The following NT5M variants were observed in gnomAD, a reference collection of about 807,000 sequenced individuals.
The protein encoded by NT5M is 5'(3')-deoxyribonucleotidase, mitochondrial.
NT5M carries 22 observed loss-of-function variants against 22.2 expected under a neutral mutation model. The observed-to-expected ratio is 0.99, with a 90% CI of 0.71 to 1.41. The LOEUF (loss-of-function observed/expected upper bound fraction) is 1.41, where lower values mean the gene tolerates loss of function less well. Among genes scored for constraint, NT5M ranks in the 40% most tolerant of loss-of-function variants. The pLI, the probability that NT5M is intolerant of heterozygous loss-of-function variation, is 0.00. For missense variants in NT5M, 322 were observed against 314.8 expected (o/e 1.02, Z -0.17); for synonymous variants, 167 against 133.0 (o/e 1.26, Z -1.76).
chr17:17,320,998 C>T (rs867340465), intron 2 of NT5M, among the ~76,000 whole-genome samples: 16 of 151,762 alleles, frequency 1.1e-4, no homozygotes, highest in Admixed American at 4.6e-4. Context: ...GAGCAGGAGG[C>T]GAGGGAGTGG....
chr17:17,329,516 T>C lies in NT5M; in HGVS notation c.429+6271T>C, dbSNP rs565129557. ...GTGTCAGGTTCTTCATGCACAGGCA[T>C]GGCATTTTACTCTGAGATTTTCCAG... On this transcript the variant is annotated intron_variant, in intron 3 of 4. Coordinates refer to ENST00000389022, the MANE Select transcript of NT5M (RefSeq NM_020201.4). 3.3e-5 allele frequency among the ~76,000 whole-genome samples: 5 copies of C among 152,324 alleles called. No individual in the cohort carries two copies. The East Asian group carries it at 9.6e-4, about 29-fold the overall frequency.
chr17:17,329,977 A>C, intron 3 of NT5M, among the ~76,000 whole-genome samples: 1 of 152,004 alleles, frequency 6.6e-6, no homozygotes, highest in East Asian at 1.9e-4. Flanking sequence ...GTCTCAAAAA[A>C]ACAAAAACAA....
intron 2 of NT5M, among the ~76,000 whole-genome samples, chr17:17,321,731 G>A (rs912843777): frequency 1.4e-4 from 22 of 151,880 alleles, no homozygotes; most frequent in African/African-American, 4.8e-4. Flanking sequence ...TCAGGGCCTG[G>A]CCAGACAGGC....
At chr17:17,346,641 A>G (rs2049764417) in intron 4 of NT5M, among the ~76,000 whole-genome samples, 164 bp from the exon 5 acceptor site, 1 of 152,220 alleles carries the variant, frequency 6.6e-6, no homozygotes, top group Non-Finnish European at 1.5e-5. Context: ...ATCTCGTGCC[A>G]TCCTCACACC....
chr17:17,304,047 G>T, intron 1 of NT5M: 1 of 1,145,952 alleles, frequency 8.7e-7, no homozygotes, highest in Non-Finnish European at 1.1e-6. Flanking sequence ...AGAGTACAAA[G>T]TGTTAATATA....
intron 3 of NT5M, 33 bp downstream of exon 3, chr17:17,323,278 C>T: frequency 6.3e-7 from 1 of 1,577,606 alleles, no homozygotes; most frequent in Non-Finnish European, 8.7e-7. Flanking sequence ...TGAGCCCTTA[C>T]CCCATGCATC....
intron 2 of NT5M, among the ~76,000 whole-genome samples, chr17:17,321,609 T>G (rs969330847): frequency 2.0e-5 from 3 of 151,882 alleles, no homozygotes; most frequent in African/African-American, 7.3e-5. Context: ...AGGCCCTGGC[T>G]TGGTGTCAGG....
Position 17,303,407 on chromosome 17 carries a change from C to T in NT5M, c.-144C>T, listed in dbSNP as rs548542874. The T allele has an allele frequency of 7.3e-6, 7 of 953,420 alleles. No homozygotes were observed. Among genetic ancestry groups the T allele is most frequent in the South Asian group, 4.9e-5 (1 of 20,558 alleles). The allele number at this position is 953,420 out of a possible 1,614,324, so 59.1% of individuals were successfully genotyped here. The stretch of plus-strand genomic sequence containing the variant: ...CCGGTACTTGCGCGCCCGCACCCCG[C>T]GCTCCCCGCCCCGCTCCCCGTCCCG... On this transcript the variant is annotated 5_prime_UTR_variant, in exon 1 of 5. Coordinates refer to ENST00000389022, the MANE Select transcript of NT5M (RefSeq NM_020201.4).
At chr17:17,340,772 G>A (rs544330233) in intron 3 of NT5M, among the ~76,000 whole-genome samples, 2 of 152,122 alleles carry the variant, frequency 1.3e-5, no homozygotes, top group South Asian at 2.1e-4. Context: ...TGATCTGCCC[G>A]CCTTGGCCTC....
intron 2 of NT5M, among the ~76,000 whole-genome samples, chr17:17,315,278 C>T (rs960487962): frequency 2.6e-5 from 4 of 152,100 alleles, no homozygotes; most frequent in African/African-American, 4.8e-5. Flanking sequence ...ATACATTTTA[C>T]GACTTAATAT....
chr17:17,332,359 TC>T (rs2049406476), intron 3 of NT5M, among the ~76,000 whole-genome samples: 3 of 152,140 alleles, frequency 2.0e-5, no homozygotes, highest in Non-Finnish European at 4.4e-5. Context: ...TCCAGCACTG[TC>T]CTCTGCCAGC....
rs1365183646 is a variant in NT5M at position 17,303,403 on chromosome 17, C to T, written c.-148C>T. On this transcript the variant is annotated 5_prime_UTR_variant, in exon 1 of 5. Coordinates refer to ENST00000389022, the MANE Select transcript of NT5M (RefSeq NM_020201.4). ...GGGGCCGGTACTTGCGCGCCCGCAC[C>T]CCGCGCTCCCCGCCCCGCTCCCCGT... The T allele has an allele frequency of 2.1e-6, 2 of 945,570 alleles. No homozygotes were observed. The highest frequency in any genetic ancestry group is 2.5e-6 in the Non-Finnish European group (2 of 791,512). 58.6% of individuals were successfully genotyped at this position (945,570 alleles called of 1,614,324 possible). A position where few individuals can be genotyped will look rare whatever the true frequency, so the allele number is the denominator to read the frequency against.
intron 3 of NT5M, among the ~76,000 whole-genome samples, chr17:17,333,049 C>T (rs879800206): frequency 1.1e-4 from 16 of 152,252 alleles, no homozygotes; most frequent in Admixed American, 5.2e-4. Context: ...TTTGGCTGTT[C>T]TCATAGGCAG....
intron 3 of NT5M, among the ~76,000 whole-genome samples, chr17:17,328,230 T>C (rs2049302271): frequency 6.6e-6 from 1 of 152,078 alleles, no homozygotes; most frequent in Non-Finnish European, 1.5e-5. Context: ...CACAGCAGAT[T>C]TGAGGAATTC....
At chr17:17,303,875 C>T (rs1471027461) in intron 1 of NT5M, 58 bp downstream of exon 1, 6 of 1,325,116 alleles carry the variant, frequency 4.5e-6, no homozygotes, top group Non-Finnish European at 4.8e-6. Context: ...GCCCCAGACA[C>T]CGCCCCTGCG....
chr17:17,336,803 C>T (rs2049523700), intron 3 of NT5M, among the ~76,000 whole-genome samples: 1 of 152,082 alleles, frequency 6.6e-6, no homozygotes, highest in Admixed American at 6.6e-5. Context: ...CCCTCCTCGG[C>T]CTTCCAAAGT....
chr17:17,313,124 C>T (rs2048954157), intron 2 of NT5M, among the ~76,000 whole-genome samples: 1 of 151,546 alleles, frequency 6.6e-6, no homozygotes, highest in Admixed American at 6.6e-5. Context: ...AAAAAATTAG[C>T]TGGGTGTGGT....
chr17:17,325,782 T>C (rs2049253731), intron 3 of NT5M, among the ~76,000 whole-genome samples: 1 of 152,088 alleles, frequency 6.6e-6, no homozygotes, highest in South Asian at 2.1e-4. Context: ...CTTGGAATGT[T>C]CTCCTCCCAC....
intron 3 of NT5M, among the ~76,000 whole-genome samples, chr17:17,328,586 AG>A (rs756409811): frequency 4.4e-4 from 67 of 152,316 alleles, no homozygotes; most frequent in Non-Finnish European, 7.5e-4. Context: ...TGCACAGGAC[AG>A]AGGTCTCCCA....
Sources: gnomAD v4.1 joint callset for allele counts (sites outside exome capture counted in the v4.1 genomes callset) on GRCh38, gnomAD v4.1.1 for gene constraint, MANE v1.5 for transcripts, NCBI Gene and HGNC (gene_info 2026-07-23, HGNC 2026-07-21) for gene names.